The following MAPKAP1 variants were observed in gnomAD, a reference collection of about 807,000 sequenced individuals.
MAPKAP1 encodes MAPK associated protein 1, also known as target of rapamycin complex 2 subunit MAPKAP1.
A neutral mutation model predicts 65.7 loss-of-function variants in MAPKAP1; 20 were observed. The ratio of observed to expected loss-of-function variants is 0.30; its 90% CI spans 0.21 to 0.44. The LOEUF is 0.44. Ranked by LOEUF, MAPKAP1 falls within the 20% of genes least tolerant of loss-of-function variation. The pLI is 1.00. For missense variants in MAPKAP1, 423 were observed against 648.0 expected, an observed-to-expected ratio of 0.65 and a Z score of 3.77; for synonymous variants, 222 against 244.3, an observed-to-expected ratio of 0.91 and a Z score of 0.85.
At chr9:125,532,071 CATTTT>C (rs1356854096) in intron 7 of MAPKAP1, among the ~76,000 whole-genome samples, 6 of 152,070 alleles carry the variant, frequency 3.9e-5, no homozygotes, top group African/African-American at 9.7e-5. Flanking sequence ...ATCCACATTA[CATTTT>C]AAGTGAGGAA....
In MAPKAP1 at chr9:125,465,034, T is replaced by C. The variant is rs188147546; in HGVS notation, c.1345+2938A>G. On this transcript the variant is annotated intron_variant, in intron 10 of 11. Coordinates refer to ENST00000265960, the MANE Select transcript of MAPKAP1 (RefSeq NM_001006617.3). ...CCTCCCTACACTTAATGTCTTTTTG[T>C]AAAGAAAGCTGTTTAATAACATGTC... is the stretch of plus-strand genomic sequence containing the variant. Among the ~76,000 whole-genome samples, 12 of 152,364 alleles carry C rather than the reference T, an allele frequency of 7.9e-5. No individual in the cohort carries two copies. The East Asian group carries it at 2.3e-3, about 29-fold the overall frequency.
At chr9:125,551,694 A>G (rs1161592304) in intron 6 of MAPKAP1, among the ~76,000 whole-genome samples, 1 of 151,712 alleles carries the variant, frequency 6.6e-6, no homozygotes, top group Non-Finnish European at 1.5e-5. Flanking sequence ...ACTCCAGAGT[A>G]GAATCCTGGC....
intron 7 of MAPKAP1, among the ~76,000 whole-genome samples, chr9:125,514,275 C>T (rs761921359): frequency 1.3e-5 from 2 of 152,156 alleles, no homozygotes; most frequent in African/African-American, 2.4e-5. Flanking sequence ...TCCCACACAG[C>T]GCCTTGTTCC....
At chr9:125,537,625 G>T (rs982723550) in intron 7 of MAPKAP1, among the ~76,000 whole-genome samples, 2 of 152,090 alleles carry the variant, frequency 1.3e-5, no homozygotes, top group Admixed American at 1.3e-4. Context: ...GGGACTACAC[G>T]CATGTGCCAC....
At chr9:125,594,472 T>G (rs1832065941) in intron 4 of MAPKAP1, among the ~76,000 whole-genome samples, 1 of 152,162 alleles carries the variant, frequency 6.6e-6, no homozygotes, top group Non-Finnish European at 1.5e-5. Flanking sequence ...TAACCTCACC[T>G]CTCAGAACTT....
chr9:125,696,700 G>C (rs1320078509), intron 1 of MAPKAP1, among the ~76,000 whole-genome samples: 1 of 152,004 alleles, frequency 6.6e-6, no homozygotes, highest in Non-Finnish European at 1.5e-5. Context: ...GTGATCAACT[G>C]TATAACTAAT....
At chr9:125,526,926 A>C (rs1488931212) in intron 7 of MAPKAP1, among the ~76,000 whole-genome samples, 1 of 151,968 alleles carries the variant, frequency 6.6e-6, no homozygotes. Flanking sequence ...GGCGTGTGCC[A>C]CCACGCCCAG....
intron 8 of MAPKAP1, among the ~76,000 whole-genome samples, chr9:125,501,695 T>C (rs563081658): frequency 6.6e-6 from 1 of 152,330 alleles, no homozygotes; most frequent in African/African-American, 2.4e-5. Flanking sequence ...AAAATAGTTA[T>C]GAGAATATTC....
intron 1 of MAPKAP1, among the ~76,000 whole-genome samples, chr9:125,675,087 G>A (rs1183334653): frequency 6.6e-6 from 1 of 152,142 alleles, no homozygotes; most frequent in Admixed American, 6.5e-5. Flanking sequence ...ATTTGTGGAA[G>A]CATAGTATCA....
At chr9:125,507,886 A>C (rs1396304542) in intron 7 of MAPKAP1, among the ~76,000 whole-genome samples, 1 of 152,194 alleles carries the variant, frequency 6.6e-6, no homozygotes, top group African/African-American at 2.4e-5. Flanking sequence ...CAAAAGTGTT[A>C]AATAAGGCCA....
At chr9:125,698,975 T>A (rs1254962671) in intron 1 of MAPKAP1, among the ~76,000 whole-genome samples, 2 of 152,198 alleles carry the variant, frequency 1.3e-5, no homozygotes, top group Non-Finnish European at 2.9e-5. Context: ...CATTGCTTAT[T>A]ACATCATATT....
In MAPKAP1 at chr9:125,582,454, T is replaced by C. The variant is rs550441974; in HGVS notation, c.671+3101A>G. ...CTCTTCTTGAATGAGAACCCTTGCT[T>C]GCTCTCTCCCTCCACTCACTGTCAG... is the stretch of plus-strand genomic sequence containing the variant. On this transcript the variant is annotated intron_variant, in intron 5 of 11. Transcript: ENST00000265960. Among the ~76,000 whole-genome samples the C allele has an allele frequency of 2.6e-5, 4 of 152,328 alleles. No homozygotes were observed. In the East Asian group the frequency reaches 7.7e-4, roughly 29 times the overall value.
At chr9:125,705,855 A>G (rs912660884) in intron 1 of MAPKAP1, among the ~76,000 whole-genome samples, 2 of 152,168 alleles carry the variant, frequency 1.3e-5, no homozygotes, top group Non-Finnish European at 2.9e-5. Context: ...AAAGAACAAA[A>G]ATGATTAGAG....
intron 8 of MAPKAP1, among the ~76,000 whole-genome samples, chr9:125,487,629 A>C (rs1285347229): frequency 6.6e-6 from 1 of 151,746 alleles, no homozygotes; most frequent in African/African-American, 2.4e-5. Flanking sequence ...AAAAAAAAAA[A>C]AAAACCCACA....
chr9:125,680,167 T>C (rs1834779357), intron 1 of MAPKAP1, among the ~76,000 whole-genome samples: 1 of 152,084 alleles, frequency 6.6e-6, no homozygotes, highest in African/African-American at 2.4e-5. Context: ...AGCTAATTCC[T>C]GTACAGGAGT....
intron 7 of MAPKAP1, among the ~76,000 whole-genome samples, chr9:125,521,269 T>A (rs1829609248): frequency 6.8e-6 from 1 of 147,864 alleles, no homozygotes; most frequent in Non-Finnish European, 1.5e-5. Flanking sequence ...AGAAAGGAGG[T>A]CCCCTACTAT....
intron 5 of MAPKAP1, chr9:125,573,062 C>G (rs1033678427): frequency 6.9e-6 from 1 of 145,744 alleles, no homozygotes; most frequent in Non-Finnish European, 1.5e-5. Flanking sequence ...CTTCATCCCT[C>G]TGCAACTCTT....
chr9:125,557,958 G>A lies in MAPKAP1; in HGVS notation c.848+1675C>T, dbSNP rs1015261986. ...TGCTACCTCCGCCTCCCGGGTTCCA[G>A]CGATTCTCCTGCCTCAGACTCCCGA... On this transcript the variant is annotated intron_variant, in intron 6 of 11. Coordinates refer to ENST00000265960, the MANE Select transcript of MAPKAP1 (RefSeq NM_001006617.3). 2.0e-5 allele frequency among the ~76,000 whole-genome samples: 3 copies of A among 152,208 alleles called. No homozygotes were observed. The South Asian group carries it at 6.2e-4, about 32-fold the overall frequency.
chr9:125,552,003 GT>G (rs1830598509), intron 6 of MAPKAP1, among the ~76,000 whole-genome samples: 1 of 152,110 alleles, frequency 6.6e-6, no homozygotes, highest in Non-Finnish European at 1.5e-5. Context: ...TCTTTATCTG[GT>G]TTTGGGGGTC....
Sources: gnomAD v4.1 joint callset for allele counts (sites outside exome capture counted in the v4.1 genomes callset) on GRCh38, gnomAD v4.1.1 for gene constraint, MANE v1.5 for transcripts, NCBI Gene and HGNC (gene_info 2026-07-23, HGNC 2026-07-21) for gene names.